Variants in DPY19L1 observed in about 807,000 individuals in gnomAD.
DPY19L1 encodes the protein dpy-19 like C-mannosyltransferase 1, also known as protein C-mannosyl-transferase DPY19L1.
DPY19L1 carries 35 observed loss-of-function variants against 96.9 expected under a neutral mutation model. That is an observed-to-expected ratio of 0.36 (90% CI 0.28 to 0.48). The LOEUF (loss-of-function observed/expected upper bound fraction) is 0.48. DPY19L1 is among the 20% of genes least tolerant of loss of function. The probability of loss-of-function intolerance (pLI) is 0.99; values close to 1 mark genes in which losing one functional copy is unlikely to be tolerated. For missense variants in DPY19L1, 521 were observed against 777.9 expected, an observed-to-expected ratio of 0.67 and a Z score of 3.93; for synonymous variants, 205 against 252.6, an observed-to-expected ratio of 0.81 and a Z score of 1.79.
chr7:35,032,954 G>A (rs1365125096), intron 1 of DPY19L1, among the ~76,000 whole-genome samples: 2 of 152,102 alleles, frequency 1.3e-5, no homozygotes, highest in African/African-American at 2.4e-5. Context: ...TCCGTGAACA[G>A]CCTCCTCATG....
chr7:34,951,947 C>G (rs574409563), intron 13 of DPY19L1, among the ~76,000 whole-genome samples: 1 of 149,632 alleles, frequency 6.7e-6, no homozygotes, highest in African/African-American at 2.5e-5. Context: ...AACACTGGCA[C>G]AAAAAGAAAT....
At chr7:34,970,158 C>T (rs1177154268) in intron 8 of DPY19L1, among the ~76,000 whole-genome samples, 1 of 152,104 alleles carries the variant, frequency 6.6e-6, no homozygotes, top group Non-Finnish European at 1.5e-5. Context: ...AACGCAAAGC[C>T]CCCACACATG....
Position 35,013,702 on chromosome 7 carries a change from G to GTC in DPY19L1, c.413_414dup (p.Leu139AspfsTer17). 6.3e-7 allele frequency: 1 copy of GTC among 1,588,514 alleles called. No individual in the cohort carries two copies. The highest frequency in any genetic ancestry group is 8.6e-7 in the Non-Finnish European group (1 of 1,165,348). Reference sequence around the variant, plus strand: ...ATAGTCTTGAAATAGGAATAATATAGTCCCTGAAATAAAGATATGCTCAAT... The same window carrying GTC: ...ATAGTCTTGAAATAGGAATAATATAGTCTCCCTGAAATAAAGATATGCTCAAT... On this transcript the variant is annotated frameshift_variant, in exon 4 of 22. Transcript: ENST00000638088. LOFTEE classifies it high-confidence loss of function.
chr7:35,019,831 A>C (rs546498910), intron 1 of DPY19L1, among the ~76,000 whole-genome samples: 2 of 152,204 alleles, frequency 1.3e-5, no homozygotes, highest in South Asian at 4.1e-4. Context: ...TTTTTTTCTT[A>C]TTAACAAATC....
At chr7:34,980,982 G>T (rs552056034) in intron 7 of DPY19L1, among the ~76,000 whole-genome samples, 2 of 152,262 alleles carry the variant, frequency 1.3e-5, no homozygotes, top group South Asian at 4.1e-4. Flanking sequence ...CTAATCAATA[G>T]TGATAGAGAT....
At chr7:35,002,594 T>C (rs930483413) in intron 6 of DPY19L1, among the ~76,000 whole-genome samples, 7 of 95,472 alleles carry the variant, frequency 7.3e-5, no homozygotes, top group African/African-American at 1.2e-4. Flanking sequence ...AGAGAACACA[T>C]GAAAGCAGAT....
intron 21 of DPY19L1, among the ~76,000 whole-genome samples, chr7:34,936,852 T>C (rs1354605273): frequency 6.6e-6 from 1 of 152,236 alleles, no homozygotes; most frequent in Non-Finnish European, 1.5e-5. Flanking sequence ...CACGACTCAG[T>C]ATTTAACAAT....
chr7:35,022,444 A>G (rs1451353456), intron 1 of DPY19L1, among the ~76,000 whole-genome samples: 1 of 152,246 alleles, frequency 6.6e-6, no homozygotes, highest in African/African-American at 2.4e-5. Context: ...ACTCTCTAGG[A>G]TGCTGCATTA....
chr7:34,986,646 C>T (rs1785054291), intron 7 of DPY19L1, among the ~76,000 whole-genome samples: 1 of 151,814 alleles, frequency 6.6e-6, no homozygotes, highest in African/African-American at 2.4e-5. Context: ...ATAACTATTT[C>T]AATAATTAGG....
chr7:35,014,873 G>A (rs1404216451), intron 3 of DPY19L1, among the ~76,000 whole-genome samples: 1 of 152,152 alleles, frequency 6.6e-6, no homozygotes, highest in African/African-American at 2.4e-5. Context: ...CAAAGCTACA[G>A]GCACACAGGG....
chr7:35,004,114 C>A (rs328934), intron 6 of DPY19L1, among the ~76,000 whole-genome samples: 41,626 of 152,118 alleles, frequency 0.27, 5,829 homozygotes, highest in Non-Finnish European at 0.31. Flanking sequence ...ATCGTCACAT[C>A]TCACGTATAC....
At chr7:34,945,512 A>G (rs1784126401) in intron 16 of DPY19L1, among the ~76,000 whole-genome samples, 155 bp downstream of exon 16, 1 of 152,208 alleles carries the variant, frequency 6.6e-6, no homozygotes, top group African/African-American at 2.4e-5. Flanking sequence ...ACAGATAGGA[A>G]ATAAGAAGAA....
At chr7:34,965,202 T>C (rs191374964) in intron 10 of DPY19L1, among the ~76,000 whole-genome samples, 1 of 152,296 alleles carries the variant, frequency 6.6e-6, no homozygotes, top group Non-Finnish European at 1.5e-5. Flanking sequence ...TACAGCATTA[T>C]TTATAACTAA....
intron 3 of DPY19L1, among the ~76,000 whole-genome samples, chr7:35,017,617 A>G (rs947841803): frequency 2.6e-5 from 4 of 151,484 alleles, no homozygotes; most frequent in African/African-American, 7.3e-5. Flanking sequence ...GCTTGCAGTG[A>G]GCCGAGATGG....
At position 35,014,425 on chromosome 7, in the gene DPY19L1, G is replaced by A. The variant is rs1440921428; in HGVS notation, c.412-720C>T. On this transcript the variant is annotated intron_variant, in intron 3 of 21. Transcript: ENST00000638088. ...AAAAAAAAACAAGAAAATACTAGAA[G>A]CCTAACGGAGAGTCTAAGTGGCAGT... Among the ~76,000 whole-genome samples the A allele has an allele frequency of 3.3e-5, 5 of 151,762 alleles. No homozygotes were observed. The East Asian group carries it at 5.8e-4, about 18-fold the overall frequency.
intron 8 of DPY19L1, among the ~76,000 whole-genome samples, chr7:34,970,374 A>G (rs1479312008): frequency 6.6e-6 from 1 of 152,202 alleles, no homozygotes; most frequent in African/African-American, 2.4e-5. Context: ...AGTACTTTTA[A>G]ACTCCAGATA....
chr7:34,992,732 A>C (rs1381897546), intron 6 of DPY19L1, among the ~76,000 whole-genome samples: 1 of 151,926 alleles, frequency 6.6e-6, no homozygotes, highest in African/African-American at 2.4e-5. Context: ...GTTAAAGATT[A>C]ATTTTCCCTG....
chr7:35,028,250 G>A (rs1786174357), intron 1 of DPY19L1, among the ~76,000 whole-genome samples: 1 of 152,186 alleles, frequency 6.6e-6, no homozygotes, highest in Admixed American at 6.5e-5. Flanking sequence ...ATTCAACGAA[G>A]AGGATGCACT....
intron 6 of DPY19L1, among the ~76,000 whole-genome samples, chr7:35,002,512 ATAAG>A (rs1428888227): frequency 6.6e-6 from 1 of 152,158 alleles, no homozygotes; most frequent in Non-Finnish European, 1.5e-5. Flanking sequence ...AGGGAATAAA[ATAAG>A]TAAAGAAATA....
Sources: allele counts gnomAD v4.1 joint callset (sites outside exome capture counted in the v4.1 genomes callset), GRCh38; gene constraint gnomAD v4.1.1; transcripts MANE v1.5; gene names NCBI Gene and HGNC (gene_info 2026-07-23, HGNC 2026-07-21).